The following KYAT1 variants were observed in gnomAD, a reference collection of about 807,000 sequenced individuals.
The protein encoded by KYAT1 is kynurenine--oxoglutarate transaminase 1.
KYAT1 carries 47 observed loss-of-function variants against 52.4 expected under a neutral mutation model. The observed-to-expected ratio is 0.90, with a 90% confidence interval of 0.71 to 1.14. The LOEUF (loss-of-function observed/expected upper bound fraction) is 1.14. KYAT1 is among the 50% of genes most tolerant of loss of function. The pLI, the probability that KYAT1 is intolerant of heterozygous loss-of-function variation, is 0.00. For missense variants in KYAT1, 480 were observed against 557.9 expected (o/e 0.86, Z 1.41); for synonymous variants, 212 against 209.6 (o/e 1.01, Z -0.10).
intron 2 of KYAT1, among the ~76,000 whole-genome samples, chr9:128,844,524 CAA>C (rs879595477): frequency 1.7e-4 from 20 of 118,520 alleles, no homozygotes; most frequent in East Asian, 7.1e-4. Context: ...ACTAAAAATA[CAA>C]AAAAAAAAAA....
At chr9:128,873,496 G>C (rs1442639030) in intron 1 of KYAT1, among the ~76,000 whole-genome samples, 1 of 152,044 alleles carries the variant, frequency 6.6e-6, no homozygotes, top group Non-Finnish European at 1.5e-5. Flanking sequence ...TGGGCCAGGC[G>C]CGATGGCTCA....
intron 1 of KYAT1, among the ~76,000 whole-genome samples, chr9:128,867,542 C>T (rs1040838268): frequency 6.6e-5 from 10 of 152,096 alleles, no homozygotes; most frequent in Admixed American, 3.3e-4. Context: ...GGATGATTAA[C>T]GCAGCACTCA....
At position 128,845,356 on chromosome 9, in the gene KYAT1, G is replaced by A; in HGVS notation, c.50C>T (p.Pro17Leu). The stretch of plus-strand genomic sequence containing the variant: ...CTCCCCAGCCCAGCTGGCTCACCAG[G>A]GGTTGTAGTCGATCCCGTCTAGCCT... ...ARRLDGIDYN[P>L]WVEFVKLASE... The change falls in exon 2 of 13, where the codon CCC becomes CTC. Residue 17 changes from proline to leucine, a missense_variant. By Grantham distance (98) the Pro-to-Leu change is moderately conservative. Coordinates refer to ENST00000302586, the MANE Select transcript of KYAT1 (RefSeq NM_004059.5). 6.2e-7 allele frequency: 1 copy of A among 1,613,794 alleles called. No individual in the cohort carries two copies. Among genetic ancestry groups the A allele is most frequent in the Non-Finnish European group, 8.5e-7 (1 of 1,179,974 alleles).
At chr9:128,870,953 A>G (rs75435345) in intron 1 of KYAT1, among the ~76,000 whole-genome samples, 2 of 149,434 alleles carry the variant, frequency 1.3e-5, no homozygotes, top group Admixed American at 6.7e-5. Context: ...TCAATTACAA[A>G]AAAAAAAAAA....
intron 1 of KYAT1, among the ~76,000 whole-genome samples, chr9:128,858,215 G>A (rs1010031103): frequency 1.3e-5 from 2 of 151,256 alleles, no homozygotes; most frequent in East Asian, 2.0e-4. Context: ...TGGCCAACAC[G>A]ACAAAACCCC....
chr9:128,851,259 C>T (rs1030469244), intron 1 of KYAT1, among the ~76,000 whole-genome samples: 1 of 152,096 alleles, frequency 6.6e-6, no homozygotes, highest in East Asian at 1.9e-4. Context: ...AATATGGGGC[C>T]TTTCTCCAGG....
intron 1 of KYAT1, among the ~76,000 whole-genome samples, chr9:128,866,191 G>C (rs1402296915): frequency 1.3e-5 from 2 of 152,110 alleles, no homozygotes; most frequent in African/African-American, 4.8e-5. Context: ...ACAAGTAACT[G>C]GGCCATTTTA....
chr9:128,846,824 T>C, intron 1 of KYAT1: 2 of 1,535,592 alleles, frequency 1.3e-6, no homozygotes, highest in Non-Finnish European at 1.7e-6. Context: ...TGGTGGGCCG[T>C]GGAGCTGGGG....
chr9:128,835,567 T>G lies in KYAT1; in HGVS notation c.956A>C (p.His319Pro). 6.2e-7 allele frequency: 1 copy of G among 1,613,536 alleles called. No homozygotes were observed. ...CACTGACTGTAGGCTACGTATCATG[T>G]GGTCACGGCAGCGCTGCATGGCCTG... The part of the protein sequence containing the change: ...FPQAMQRCRD[H>P]MIRSLQSVGL... The change falls in exon 10 of 13, where the codon CAC (histidine) becomes CCC (proline). Residue 319 changes from histidine to proline, a missense_variant. By Grantham distance (77) the His-to-Pro change is moderately conservative. Coordinates refer to ENST00000302586, the MANE Select transcript of KYAT1 (RefSeq NM_004059.5).
At chr9:128,833,923 G>A (rs1224016791) in intron 11 of KYAT1, 97 bp from the exon 12 acceptor site, 26 of 925,606 alleles carry the variant, frequency 2.8e-5, no homozygotes, top group Non-Finnish European at 3.9e-5. Context: ...AGGCGGGGAA[G>A]GAGAGTTAGC....
At chr9:128,847,157 A>T (rs1261319943) in intron 1 of KYAT1, among the ~76,000 whole-genome samples, 1 of 152,122 alleles carries the variant, frequency 6.6e-6, no homozygotes, top group Non-Finnish European at 1.5e-5. Flanking sequence ...GGCTCAGTTG[A>T]CATTTATTGA....
At chr9:128,835,100 G>A (rs1830791283) in intron 11 of KYAT1, 2 of 545,944 alleles carry the variant, frequency 3.7e-6, no homozygotes, top group Non-Finnish European at 6.5e-6. Context: ...TCGCGCCACT[G>A]CACTCCAGCC....
chr9:128,836,846 A>T lies in KYAT1; in HGVS notation c.644T>A (p.Val215Asp). 1.2e-6 allele frequency: 2 copies of T among 1,613,968 alleles called. No individual in the cohort carries two copies. Among genetic ancestry groups the T allele is most frequent in the South Asian group, 2.2e-5 (2 of 91,084 alleles). ...CCCGTCGTAGACCATCCACTGGTAG[A>T]CTTCATCAGTGATACACACCACGTC... ...QHDVVCITDE[V>D]YQWMVYDGHQ... Residue 215 changes from valine (V) to aspartate (D), a missense_variant, in exon 7 of 13, where the codon GTC (valine) becomes GAC (aspartate). Physicochemically the swap from Val to Asp is radical, Grantham distance 152. Transcript: ENST00000302586.
At chr9:128,857,175 A>G (rs551422897) in intron 1 of KYAT1, among the ~76,000 whole-genome samples, 1 of 152,314 alleles carries the variant, frequency 6.6e-6, no homozygotes, top group East Asian at 1.9e-4. Flanking sequence ...GAACTTAATT[A>G]TGACATAGAT....
Position 128,862,828 on chromosome 9 carries a change from G to T in KYAT1, c.-6-17417C>A, listed in dbSNP as rs186018511. ...CATAGGAGTCAATGTTGGTTTGTTTGTTTTTTGACACAGAGTCTCGCCCTA... is the reference window on the plus strand; with the variant it reads ...CATAGGAGTCAATGTTGGTTTGTTTTTTTTTTGACACAGAGTCTCGCCCTA... On this transcript the variant is annotated intron_variant, in intron 1 of 12. Transcript: ENST00000302586. 3.3e-5 allele frequency among the ~76,000 whole-genome samples: 5 copies of T among 152,272 alleles called. No homozygotes were observed. The East Asian group carries it at 9.7e-4, about 29-fold the overall frequency.
intron 1 of KYAT1, among the ~76,000 whole-genome samples, chr9:128,876,254 A>T (rs998876011): frequency 8.5e-5 from 11 of 129,740 alleles, no homozygotes; most frequent in East Asian, 8.3e-4. Flanking sequence ...CTTTGCTTTT[A>T]AAAAAAAAAA....
At chr9:128,835,176 C>A in intron 11 of KYAT1, 147 bp downstream of exon 11, 1 of 716,544 alleles carries the variant, frequency 1.4e-6, no homozygotes, top group Non-Finnish European at 2.5e-6. Context: ...ACAGCCTCCT[C>A]ATTCTCTGAA....
chr9:128,870,975 A>AT (rs991066368), intron 1 of KYAT1, among the ~76,000 whole-genome samples: 1 of 151,890 alleles, frequency 6.6e-6, no homozygotes, highest in Non-Finnish European at 1.5e-5. Context: ...AAGTATGGTA[A>AT]TTTTTTAAAA....
chr9:128,847,680 A>ACAC, intron 1 of KYAT1: 1 of 570,580 alleles, frequency 1.8e-6, no homozygotes. Context: ...AACAACAACA[A>ACAC]CAATATGGTC....
Sources: gnomAD v4.1 joint callset for allele counts (sites outside exome capture counted in the v4.1 genomes callset) on GRCh38, gnomAD v4.1.1 for gene constraint, MANE v1.5 for transcripts, NCBI Gene and HGNC (gene_info 2026-07-23, HGNC 2026-07-21) for gene names.